BACH2: variants seen among roughly 807,000 people sequenced by gnomAD.
BACH2 encodes BACH transcriptional regulator 2, also known as transcription regulator protein BACH2.
Under a neutral mutation model 61.8 loss-of-function variants are expected in BACH2, and 5 were observed. The observed-to-expected ratio is 0.08, with a 90% CI of 0.04 to 0.17. The LOEUF (loss-of-function observed/expected upper bound fraction) is 0.17, where lower values mean the gene tolerates loss of function less well. Ranked by LOEUF, BACH2 falls within the 10% of genes least tolerant of loss-of-function variation. The pLI, the probability that BACH2 is intolerant of heterozygous loss-of-function variation, is 1.00. For missense variants in BACH2, 824 were observed against 1,091.1 expected (o/e 0.76, Z 3.45); for synonymous variants, 446 against 440.1 (o/e 1.01, Z -0.17).
chr6:90,230,969 C>G (rs1211580358), intron 3 of BACH2, among the ~76,000 whole-genome samples: 1 of 152,092 alleles, frequency 6.6e-6, no homozygotes, highest in Non-Finnish European at 1.5e-5. Flanking sequence ...TCCTTGTGGT[C>G]AAGGCCAATG....
chr6:90,199,329 C>A (rs763486889), intron 4 of BACH2, among the ~76,000 whole-genome samples: 1 of 152,172 alleles, frequency 6.6e-6, no homozygotes, highest in Non-Finnish European at 1.5e-5. Flanking sequence ...GTTCCATAGT[C>A]AAGATGACTG....
At chr6:90,229,404 G>A (rs1281970158) in intron 3 of BACH2, among the ~76,000 whole-genome samples, 2 of 151,858 alleles carry the variant, frequency 1.3e-5, no homozygotes, top group African/African-American at 4.8e-5. Context: ...AGGTTGCGGC[G>A]AGCAGAGATC....
At position 89,950,136 on chromosome 6, in the gene BACH2, G is replaced by C; in HGVS notation, c.1836+134C>G. Reference sequence around the variant, plus strand: ...TTCAGCATCCTGCCTCTGTGGATGGGGAAGGCAGTCTCTCTACTGTCATCT... The same window carrying C: ...TTCAGCATCCTGCCTCTGTGGATGGCGAAGGCAGTCTCTCTACTGTCATCT... On this transcript the variant is annotated intron_variant, in intron 7 of 8. Transcript: ENST00000257749. This position sits in a 1 kb window ranked among gnomAD's most constrained non-coding sequence, Gnocchi z 5.3. 2.9e-6 allele frequency: 3 copies of C among 1,034,674 alleles called. No individual in the cohort carries two copies. In the South Asian group the frequency reaches 4.0e-5, roughly 14 times the overall value. The allele number at this position is 1,034,674 out of a possible 1,614,324, so 64.1% of individuals were successfully genotyped here. A position where few individuals can be genotyped will look rare whatever the true frequency, so the allele number is the denominator to read the frequency against.
chr6:90,157,911 G>T (rs561109533), intron 4 of BACH2, among the ~76,000 whole-genome samples: 10 of 152,216 alleles, frequency 6.6e-5, no homozygotes, highest in African/African-American at 2.2e-4. Flanking sequence ...AATGAGGAAG[G>T]CAGACATTAA....
chr6:90,068,853 T>C lies in BACH2; in HGVS notation c.-13+20108A>G, dbSNP rs551399151. 2.0e-5 allele frequency among the ~76,000 whole-genome samples: 3 copies of C among 152,236 alleles called. No individual in the cohort carries two copies. In the East Asian group the frequency reaches 5.8e-4, roughly 29 times the overall value. Reference sequence around the variant, plus strand: ...TATGGACAAGGATAATTAGCATCGTTTTCCTGTAAACTGTATTCAAATTTC... The same window carrying C: ...TATGGACAAGGATAATTAGCATCGTCTTCCTGTAAACTGTATTCAAATTTC... On this transcript the variant is annotated intron_variant, in intron 5 of 8. Transcript: ENST00000257749.
intron 2 of BACH2, among the ~76,000 whole-genome samples, chr6:90,263,374 GCTT>G (rs966700005): frequency 3.9e-5 from 6 of 152,130 alleles, no homozygotes; most frequent in African/African-American, 9.7e-5. Context: ...AGTGAAAATA[GCTT>G]TTTTAAAAAA....
At position 89,964,348 on chromosome 6, in the gene BACH2, T is replaced by C. The variant is rs536627928; in HGVS notation, c.244-12486A>G. On this transcript the variant is annotated intron_variant, in intron 6 of 8. Transcript: ENST00000257749. ...TGGATTTTCCAAGATGAAAAAACTT[T>C]GGAGATCTGTTTCACAACAATGTGA... is the stretch of plus-strand genomic sequence containing the variant. 5.9e-5 allele frequency among the ~76,000 whole-genome samples: 9 copies of C among 152,288 alleles called. No individual in the cohort carries two copies. The South Asian group carries it at 6.2e-4, about 11-fold the overall frequency.
At chr6:90,127,907 C>T (rs1783924313) in intron 4 of BACH2, among the ~76,000 whole-genome samples, 1 of 152,214 alleles carries the variant, frequency 6.6e-6, no homozygotes, top group Non-Finnish European at 1.5e-5. Context: ...AAAAACTACG[C>T]AGTGCAAGGA....
At chr6:90,074,028 A>G (rs1220472282) in intron 5 of BACH2, among the ~76,000 whole-genome samples, 1 of 152,236 alleles carries the variant, frequency 6.6e-6, no homozygotes, top group African/African-American at 2.4e-5. Context: ...TGTGCTTTTT[A>G]TAAATTATAG....
intron 4 of BACH2, among the ~76,000 whole-genome samples, chr6:90,102,614 C>A (rs1220188848): frequency 1.3e-5 from 2 of 151,770 alleles, no homozygotes; most frequent in Non-Finnish European, 2.9e-5. Flanking sequence ...CATGGTGAAA[C>A]CCTGTCTCTA....
At chr6:90,239,019 T>G (rs565462167) in intron 3 of BACH2, among the ~76,000 whole-genome samples, 42 of 152,332 alleles carry the variant, frequency 2.8e-4, no homozygotes, top group African/African-American at 1.0e-3. Context: ...GACCACTAAC[T>G]CAAATACTGA....
chr6:90,160,102 G>A (rs1379892778), intron 4 of BACH2, among the ~76,000 whole-genome samples: 1 of 152,152 alleles, frequency 6.6e-6, no homozygotes, highest in Non-Finnish European at 1.5e-5. Flanking sequence ...TAAAATTGAA[G>A]TTTTCAAAAG....
intron 3 of BACH2, among the ~76,000 whole-genome samples, chr6:90,216,758 G>C (rs901746910): frequency 6.6e-6 from 1 of 152,200 alleles, no homozygotes; most frequent in South Asian, 2.1e-4. Context: ...CTGAACCAGA[G>C]TGGTTTTGTC....
At chr6:89,997,254 T>A (rs1034870387) in intron 6 of BACH2, among the ~76,000 whole-genome samples, 2 of 152,226 alleles carry the variant, frequency 1.3e-5, no homozygotes, top group Non-Finnish European at 2.9e-5. Flanking sequence ...TTTGAAAGGT[T>A]ACTGCACTTC....
At chr6:90,171,543 C>G (rs1036666643) in intron 4 of BACH2, among the ~76,000 whole-genome samples, 5 of 151,906 alleles carry the variant, frequency 3.3e-5, no homozygotes, top group African/African-American at 1.2e-4. Context: ...AAACACATAG[C>G]AGAAGCAAAT....
At chr6:90,260,946 A>G (rs1252402752) in intron 2 of BACH2, among the ~76,000 whole-genome samples, 1 of 152,210 alleles carries the variant, frequency 6.6e-6, no homozygotes. Flanking sequence ...TCCCACAGGA[A>G]TGAGCCTGAA....
intron 7 of BACH2, 128 bp from the exon 8 acceptor site, chr6:89,938,478 G>A (rs1187869987): frequency 2.8e-6 from 2 of 721,380 alleles, no homozygotes; most frequent in African/African-American, 3.6e-5. Context: ...AAAGCAAGCA[G>A]TGATTACTTA....
At chr6:90,294,543 TGACA>T (rs1187486769) in intron 1 of BACH2, among the ~76,000 whole-genome samples, 2 of 152,228 alleles carry the variant, frequency 1.3e-5, no homozygotes, top group African/African-American at 2.4e-5. Flanking sequence ...ATGGAAATGC[TGACA>T]GACCTTTCAG....
At chr6:89,947,764 G>T (rs377499624) in intron 7 of BACH2, among the ~76,000 whole-genome samples, 26 of 152,022 alleles carry the variant, frequency 1.7e-4, no homozygotes, top group Non-Finnish European at 1.8e-4. Context: ...GTAGAGACGG[G>T]GTTTCACCGT....
Sources: allele counts gnomAD v4.1 joint callset (sites outside exome capture counted in the v4.1 genomes callset), GRCh38; gene constraint gnomAD v4.1.1; non-coding constraint Gnocchi (gnomAD v3.1); transcripts MANE v1.5; gene names NCBI Gene and HGNC (gene_info 2026-07-23, HGNC 2026-07-21).